Variants in ACACA observed in about 807,000 individuals in gnomAD.
ACACA encodes the protein acetyl-CoA carboxylase alpha.
Under a neutral mutation model 296.1 loss-of-function variants are expected in ACACA, and 103 were observed. That is an observed-to-expected ratio of 0.35 (90% CI 0.30 to 0.41). The LOEUF (loss-of-function observed/expected upper bound fraction) is 0.41, where lower values mean the gene tolerates loss of function less well. Among genes scored for constraint, ACACA ranks in the 10% least tolerant of loss-of-function variants. The pLI, the probability that ACACA is intolerant of heterozygous loss-of-function variation, is 1.00. For synonymous variants in ACACA, 953 were observed against 1,038.6 expected, an observed-to-expected ratio of 0.92 and a Z score of 1.58; for missense variants, 1,554 against 2,989.7, an observed-to-expected ratio of 0.52 and a Z score of 11.20.
intron 2 of ACACA, 149 bp from the exon 3 acceptor site, chr17:37,330,574 C>A: frequency 2.1e-6 from 2 of 954,964 alleles, no homozygotes; most frequent in East Asian, 2.6e-5. Context: ...TATTTCAGGG[C>A]CTTTAATTTC....
chr17:37,262,488 A>C (rs2081560266), intron 11 of ACACA, among the ~76,000 whole-genome samples: 1 of 152,170 alleles, frequency 6.6e-6, no homozygotes, highest in Non-Finnish European at 1.5e-5. Flanking sequence ...GCCAGATAGT[A>C]ATTATTTTCA....
chr17:37,391,703 T>C, intron 1 of ACACA: 3 of 1,613,826 alleles, frequency 1.9e-6, no homozygotes, highest in Non-Finnish European at 2.5e-6. Context: ...AGATCACTGT[T>C]ATCCACCAGA....
At chr17:37,229,298 T>C (rs2079718708) in intron 25 of ACACA, among the ~76,000 whole-genome samples, 1 of 152,050 alleles carries the variant, frequency 6.6e-6, no homozygotes, top group South Asian at 2.1e-4. Context: ...CAGATCATGT[T>C]TTGTTCTGTT....
chr17:37,288,879 C>T (rs2082912187), intron 3 of ACACA, among the ~76,000 whole-genome samples: 1 of 151,862 alleles, frequency 6.6e-6, no homozygotes, highest in Non-Finnish European at 1.5e-5. Context: ...GCCTAGGTGA[C>T]AGAGTGAGAT....
Position 37,330,232 on chromosome 17 carries a change from T to G in ACACA, c.279A>C (p.Ser93=), listed in dbSNP as rs760966676. 1 of 1,614,068 alleles carries G rather than the reference T, an allele frequency of 6.2e-7. No homozygotes were observed. The highest frequency in any genetic ancestry group is 1.3e-5 in the African/African-American group (1 of 74,944). Residue 93 remains serine, a synonymous_variant, in exon 3 of 56, where the codon TCA becomes TCC. Transcript: ENST00000616317. The part of the protein sequence containing the change: ...EGSLSPASVG[S]DTLSDLGISS... ...AGATCCCCAAATCAGAGAGTGTATC[T>G]GAGCCAACAGAAGCAGGTGACAAGG...
chr17:37,239,874 T>C (rs9909209), intron 24 of ACACA, among the ~76,000 whole-genome samples: 2 of 152,316 alleles, frequency 1.3e-5, no homozygotes, highest in African/African-American at 4.8e-5. Flanking sequence ...TTTCAGATAA[T>C]GTTTCAAATT....
rs1435360276 is a variant in ACACA, at chr17:37,253,106, G to GT, written c.1827-71dup. The GT allele has an allele frequency of 1.9e-6, 3 of 1,607,976 alleles. No homozygotes were observed. The African/African-American group carries it at 4.0e-5, about 21-fold the overall frequency. ...TGTTTTTCAATAATTTTAAAGATCT[G>GT]TTTGGCCAGGCATGGTGGCTCACGC... On this transcript the variant is annotated intron_variant, in intron 14 of 55. Transcript: ENST00000616317.
intron 3 of ACACA, among the ~76,000 whole-genome samples, chr17:37,311,145 A>G (rs898928257): frequency 6.6e-5 from 10 of 152,214 alleles, no homozygotes; most frequent in African/African-American, 2.4e-4. Context: ...CAGAGGACAG[A>G]ACAGAATAGC....
At chr17:37,330,674 A>G (rs1010666255) in intron 2 of ACACA, among the ~76,000 whole-genome samples, 1 of 152,232 alleles carries the variant, frequency 6.6e-6, no homozygotes, top group Non-Finnish European at 1.5e-5. Context: ...TCAAAAGCCT[A>G]TAAGGCATTC....
Position 37,263,912 on chromosome 17 carries a change from G to GAAA in ACACA, c.1120-21_1120-19dup. 1 of 1,444,996 alleles carries GAAA rather than the reference G, an allele frequency of 6.9e-7. No homozygotes were observed. The highest frequency in any genetic ancestry group is 9.5e-7 in the Non-Finnish European group (1 of 1,056,832). 89.5% of individuals were successfully genotyped at this position (1,444,996 alleles called of 1,614,324 possible). ...GCTTGAACCTGTATTAGAAAAGGGG[G>GAAA]AAAAAAAAAACCAATTCTTAAATTT... On this transcript the variant is annotated intron_variant, in intron 10 of 55. Coordinates refer to ENST00000616317, the MANE Select transcript of ACACA (RefSeq NM_198834.3).
chr17:37,393,976 C>T (rs1156783251), intron 1 of ACACA, among the ~76,000 whole-genome samples: 2 of 152,136 alleles, frequency 1.3e-5, no homozygotes, highest in African/African-American at 2.4e-5. Flanking sequence ...CCATTAATAA[C>T]TTCAAGTCCT....
intron 3 of ACACA, among the ~76,000 whole-genome samples, chr17:37,324,611 A>G (rs1165963580): frequency 3.0e-4 from 44 of 148,904 alleles, no homozygotes; most frequent in African/African-American, 1.1e-3. Flanking sequence ...CAGAGGTTGC[A>G]GTGAGCTGAG....
intron 1 of ACACA, among the ~76,000 whole-genome samples, chr17:37,390,330 A>ATATATAATATATATATATATATATATC (rs1386032855): frequency 2.4e-5 from 1 of 41,580 alleles, no homozygotes; most frequent in Non-Finnish European, 3.7e-5. Context: ...ATATATATAT[A>ATATATAATATATATATATATATATATC]TATAAAAGGC....
chr17:37,335,191 G>A (rs2048059012), intron 2 of ACACA, among the ~76,000 whole-genome samples: 2 of 152,066 alleles, frequency 1.3e-5, no homozygotes, highest in South Asian at 4.2e-4. Flanking sequence ...CACCCTGACT[G>A]GGCTCCATGA....
intron 45 of ACACA, among the ~76,000 whole-genome samples, chr17:37,146,242 G>A (rs2075800567): frequency 6.6e-6 from 1 of 152,160 alleles, no homozygotes; most frequent in Admixed American, 6.5e-5. Flanking sequence ...TCATGTGTAT[G>A]CCAAGATGGA....
intron 2 of ACACA, 54 bp from the exon 3 acceptor site, chr17:37,330,479 T>C (rs2047825569): frequency 2.5e-6 from 4 of 1,606,458 alleles, no homozygotes; most frequent in Middle Eastern, 1.7e-4. Flanking sequence ...AATCTATATC[T>C]GAGGTCAGCC....
chr17:37,370,840 C>T (rs1162291197), intron 1 of ACACA, among the ~76,000 whole-genome samples: 9 of 151,600 alleles, frequency 5.9e-5, no homozygotes, highest in South Asian at 2.1e-4. Context: ...AAAAATTAGC[C>T]GGACTTGGTG....
rs766233446 is a variant in ACACA at position 37,161,992 on chromosome 17, T to A, written c.5138A>T (p.Asp1713Val). Residue 1713 changes from aspartate to valine, a missense_variant, in exon 42 of 56, where the codon GAT becomes GTT. By Grantham distance (152) the Asp-to-Val change is radical. Coordinates refer to ENST00000616317, the MANE Select transcript of ACACA (RefSeq NM_198834.3). The part of the protein sequence containing the change: ...FKSPEYPEGR[D>V]IIVIGNDITY... ...GATGTCATTGCCAATAACAATGATATCTCGGCCTTCTGGATATTCAGGACT... is the reference window on the plus strand; with the variant it reads ...GATGTCATTGCCAATAACAATGATAACTCGGCCTTCTGGATATTCAGGACT... The A allele has an allele frequency of 6.8e-6, 11 of 1,614,210 alleles. No individual in the cohort carries two copies. The highest frequency in any genetic ancestry group is 8.5e-7 in the Non-Finnish European group (1 of 1,180,038).
At chr17:37,140,860 G>A (rs2075542687) in intron 45 of ACACA, 1 of 238,646 alleles carries the variant, frequency 4.2e-6, no homozygotes, top group Non-Finnish European at 8.3e-6. Flanking sequence ...GCAGCTTCTT[G>A]GGCACCAGGG....
Sources: allele counts gnomAD v4.1 joint callset (sites outside exome capture counted in the v4.1 genomes callset), GRCh38; gene constraint gnomAD v4.1.1; transcripts MANE v1.5; gene names NCBI Gene and HGNC (gene_info 2026-07-23, HGNC 2026-07-21).